The following ACAP2 variants were observed in gnomAD, a reference collection of about 807,000 sequenced individuals.
The protein encoded by ACAP2 is ArfGAP with coiled-coil, ankyrin repeat and PH domains 2.
In ACAP2, 39 loss-of-function variants were observed where a neutral mutation model predicts 115.8. That is an observed-to-expected ratio of 0.34 (90% CI 0.26 to 0.44). ACAP2 has a LOEUF of 0.44. Among genes scored for constraint, ACAP2 ranks in the 20% least tolerant of loss-of-function variants. The pLI is 1.00. For missense variants in ACAP2, 662 were observed against 927.6 expected (o/e 0.71, Z 3.72); for synonymous variants, 289 against 315.8 (o/e 0.92, Z 0.90).
chr3:195,294,171 A>G (rs1157300989), intron 18 of ACAP2, among the ~76,000 whole-genome samples: 1 of 152,100 alleles, frequency 6.6e-6, no homozygotes, highest in Non-Finnish European at 1.5e-5. Flanking sequence ...TTTAAAAAGT[A>G]TAAACAATAT....
At chr3:195,434,095 A>G (rs1715347180) in intron 1 of ACAP2, among the ~76,000 whole-genome samples, 1 of 152,014 alleles carries the variant, frequency 6.6e-6, no homozygotes, top group Admixed American at 6.6e-5. Flanking sequence ...CACACAACTA[A>G]TTTTTAATTT....
chr3:195,369,853 G>A (rs1240873487), intron 4 of ACAP2, among the ~76,000 whole-genome samples: 1 of 152,158 alleles, frequency 6.6e-6, no homozygotes, highest in Non-Finnish European at 1.5e-5. Context: ...CACAATGGTT[G>A]AACCAATTTA....
At chr3:195,298,973 C>A (rs1193261614) in intron 15 of ACAP2, among the ~76,000 whole-genome samples, 1 of 152,140 alleles carries the variant, frequency 6.6e-6, no homozygotes, top group East Asian at 1.9e-4. Context: ...CACTTTCTTT[C>A]CCCTCTTCCC....
At chr3:195,323,891 T>C (rs1002604569) in intron 9 of ACAP2, among the ~76,000 whole-genome samples, 1 of 152,098 alleles carries the variant, frequency 6.6e-6, no homozygotes, top group Non-Finnish European at 1.5e-5. Context: ...ATTGTACATT[T>C]AAAAATAATT....
chr3:195,307,071 C>A (rs923987409), intron 12 of ACAP2, 152 bp downstream of exon 12: 8 of 538,160 alleles, frequency 1.5e-5, no homozygotes, highest in Admixed American at 3.5e-5. Flanking sequence ...ACTATAATAT[C>A]TGTAACCATT....
At chr3:195,405,726 G>C (rs1310341276) in intron 1 of ACAP2, among the ~76,000 whole-genome samples, 1 of 151,702 alleles carries the variant, frequency 6.6e-6, no homozygotes, top group African/African-American at 2.4e-5. Flanking sequence ...AATTTATAAA[G>C]AAAAGAGGTT....
intron 10 of ACAP2, among the ~76,000 whole-genome samples, chr3:195,318,424 T>C (rs184969542): frequency 6.6e-6 from 1 of 152,344 alleles, no homozygotes; most frequent in East Asian, 1.9e-4. Context: ...ACTTGTTGAA[T>C]GCTTTTGACC....
At chr3:195,383,290 A>G (rs1323339078) in intron 2 of ACAP2, among the ~76,000 whole-genome samples, 5 of 151,746 alleles carry the variant, frequency 3.3e-5, no homozygotes, top group African/African-American at 1.2e-4. Flanking sequence ...AATATATTAT[A>G]AAAAGATAGT....
intron 1 of ACAP2, among the ~76,000 whole-genome samples, chr3:195,429,432 T>A (rs1243055972): frequency 6.7e-6 from 1 of 149,920 alleles, no homozygotes; most frequent in Non-Finnish European, 1.5e-5. Context: ...TGGATCAATC[T>A]CATAGTTAAA....
At chr3:195,422,667 A>G (rs1314010298) in intron 1 of ACAP2, among the ~76,000 whole-genome samples, 1 of 152,022 alleles carries the variant, frequency 6.6e-6, no homozygotes, top group Non-Finnish European at 1.5e-5. Context: ...CTGTAGAGAC[A>G]AAGTCGTGCC....
At chr3:195,415,976 C>T (rs1713688766) in intron 1 of ACAP2, among the ~76,000 whole-genome samples, 1 of 151,524 alleles carries the variant, frequency 6.6e-6, no homozygotes. Flanking sequence ...GACAAACAGG[C>T]CAATAGAAAA....
At chr3:195,401,438 G>C (rs823299) in intron 1 of ACAP2, among the ~76,000 whole-genome samples, 25,885 of 152,180 alleles carry the variant, frequency 0.17, 2,452 homozygotes, top group Admixed American at 0.28. Flanking sequence ...GCCAAGGTGG[G>C]TGGATCTCTT....
intron 9 of ACAP2, among the ~76,000 whole-genome samples, chr3:195,322,569 T>C (rs1247691640): frequency 6.6e-6 from 1 of 152,090 alleles, no homozygotes; most frequent in African/African-American, 2.4e-5. Flanking sequence ...TGTAAACAAA[T>C]TGCTACATTG....
intron 5 of ACAP2, among the ~76,000 whole-genome samples, chr3:195,343,155 T>A (rs1393578562): frequency 6.6e-6 from 1 of 152,234 alleles, no homozygotes; most frequent in East Asian, 1.9e-4. Flanking sequence ...AAAATTTCAT[T>A]ATTTAAATCT....
At chr3:195,359,439 G>A (rs1732200118) in intron 4 of ACAP2, among the ~76,000 whole-genome samples, 1 of 152,144 alleles carries the variant, frequency 6.6e-6, no homozygotes, top group African/African-American at 2.4e-5. Context: ...GTTACAAAGT[G>A]AGGACACAGT....
chr3:195,294,470 C>A (rs1462562494), intron 18 of ACAP2, among the ~76,000 whole-genome samples: 1 of 150,356 alleles, frequency 6.7e-6, no homozygotes, highest in Non-Finnish European at 1.5e-5. Flanking sequence ...CCCAGCTACT[C>A]GGGAGGCTGA....
At chr3:195,362,809 A>G (rs1017309239) in intron 4 of ACAP2, among the ~76,000 whole-genome samples, 5 of 152,230 alleles carry the variant, frequency 3.3e-5, no homozygotes, top group African/African-American at 1.2e-4. Context: ...AACATACCTC[A>G]ACATAATAAA....
intron 4 of ACAP2, among the ~76,000 whole-genome samples, chr3:195,362,059 T>C (rs557806603): frequency 1.6e-3 from 242 of 152,280 alleles, no homozygotes; most frequent in African/African-American, 5.6e-3. Context: ...ACTCCTGTAA[T>C]CCTAGCACTT....
chr3:195,295,120 A>G (rs1451590088), intron 17 of ACAP2: 3 of 751,732 alleles, frequency 4.0e-6, no homozygotes, highest in African/African-American at 1.8e-5. Context: ...GACAATGGGT[A>G]ACATCTAGAG....
Sources: allele counts gnomAD v4.1 joint callset (sites outside exome capture counted in the v4.1 genomes callset), GRCh38; gene constraint gnomAD v4.1.1; transcripts MANE v1.5; gene names NCBI Gene and HGNC (gene_info 2026-07-23, HGNC 2026-07-21).